Variants in GJA5 observed in about 807,000 individuals in gnomAD.
GJA5 encodes the protein gap junction alpha-5 protein.
Under a neutral mutation model 7.9 loss-of-function variants are expected in GJA5, and 3 were observed. The ratio of observed to expected loss-of-function variants is 0.38; its 90% confidence interval spans 0.17 to 0.99. The LOEUF (loss-of-function observed/expected upper bound fraction) is 0.99, where lower values mean the gene tolerates loss of function less well. GJA5 is among the 50% of genes least tolerant of loss of function. The pLI is 0.38. For missense variants in GJA5, 390 were observed against 457.9 expected (o/e 0.85, Z 1.35); for synonymous variants, 193 against 181.0 (o/e 1.07, Z -0.53).
At chr1:147,765,802 A>C (rs1191400232) in intron 1 of GJA5, among the ~76,000 whole-genome samples, 1 of 152,062 alleles carries the variant, frequency 6.6e-6, no homozygotes, top group Non-Finnish European at 1.5e-5. Flanking sequence ...TGGGGATGTA[A>C]AGGACTGCAC....
intron 1 of GJA5, among the ~76,000 whole-genome samples, chr1:147,765,968 C>G (rs1553228127): frequency 6.6e-6 from 1 of 152,164 alleles, no homozygotes; most frequent in African/African-American, 2.4e-5. Flanking sequence ...TGAGGCCCTA[C>G]CATAGGGATG....
intron 1 of GJA5, among the ~76,000 whole-genome samples, chr1:147,771,172 C>A (rs791290): frequency 0.018 from 2,720 of 152,260 alleles, 59 homozygotes; most frequent in African/African-American, 0.059. Context: ...AGAGACCAGG[C>A]GGCACTGTGG....
At position 147,758,962 on chromosome 1, in the gene GJA5, T is replaced by A; in HGVS notation, c.277A>T (p.Met93Leu). 1 of 1,614,190 alleles carries A rather than the reference T, an allele frequency of 6.2e-7. No homozygotes were observed. Among genetic ancestry groups the A allele is most frequent in the Admixed American group, 1.7e-5 (1 of 60,026 alleles). The change falls in exon 2 of 2, where the codon ATG (methionine) becomes TTG (leucine). Residue 93 changes from methionine (M) to leucine (L), a missense_variant. This residue lies in a region of GJA5 where 354 missense variants were observed against 370.9 expected (regional missense o/e 0.95). Coordinates refer to ENST00000579774, the MANE Select transcript of GJA5 (RefSeq NM_181703.4). ...CGCACAGTGTGCATGGCGTGGCCCA[T>A]GTACACCAGAGAGGGCGTGGAGACG... ...IFVSTPSLVY[M>L]GHAMHTVRMQ...
intron 1 of GJA5, among the ~76,000 whole-genome samples, chr1:147,768,314 G>A (rs1217425836): frequency 6.6e-6 from 1 of 152,216 alleles, no homozygotes; most frequent in Non-Finnish European, 1.5e-5. Context: ...CTGGCAGACA[G>A]TTGTTTCAAA....
rs1431645208 is a variant in GJA5 at position 147,757,886 on chromosome 1, C to G, written c.*276G>C. The G allele has an allele frequency of 1.5e-5, 7 of 480,778 alleles. No individual in the cohort carries two copies. Among genetic ancestry groups the G allele is most frequent in the Non-Finnish European group, 2.7e-5 (7 of 263,988 alleles). 29.8% of individuals were successfully genotyped at this position (480,778 alleles called of 1,614,324 possible). On this transcript the variant is annotated 3_prime_UTR_variant, in exon 2 of 2. Coordinates refer to ENST00000579774, the MANE Select transcript of GJA5 (RefSeq NM_181703.4). Reference sequence around the variant, plus strand: ...GGCCAGCTTTTGCCATGCTTCCCTTCTTTCCCTCTACCCTGTTTCATGAGT... The same window carrying G: ...GGCCAGCTTTTGCCATGCTTCCCTTGTTTCCCTCTACCCTGTTTCATGAGT...
upstream of GJA5, among the ~76,000 whole-genome samples, chr1:147,762,807 A>C (rs12409131): frequency 2.0e-5 from 3 of 152,354 alleles, no homozygotes; most frequent in Admixed American, 2.0e-4. Flanking sequence ...TCAGCCAAAG[A>C]AATTTGTAGA....
chr1:147,762,932 A>C (rs1664074967), upstream of GJA5, among the ~76,000 whole-genome samples: 2 of 152,244 alleles, frequency 1.3e-5, no homozygotes, highest in Non-Finnish European at 2.9e-5. Context: ...CCATGCCATG[A>C]ATAAATGCTA....
At chr1:147,767,535 G>C (rs1664249052) in intron 1 of GJA5, among the ~76,000 whole-genome samples, 1 of 147,302 alleles carries the variant, frequency 6.8e-6, no homozygotes, top group Non-Finnish European at 1.5e-5. Flanking sequence ...CCACAGGCAT[G>C]CACCACCATA....
At chr1:147,763,841 G>T (rs957561130), upstream of GJA5, among the ~76,000 whole-genome samples, 1 of 151,834 alleles carries the variant, frequency 6.6e-6, no homozygotes, top group African/African-American at 2.4e-5. Context: ...ATGAAGTCTC[G>T]CTTTGTCACC....
chr1:147,766,862 T>C (rs1553228269), intron 1 of GJA5, among the ~76,000 whole-genome samples: 1 of 152,064 alleles, frequency 6.6e-6, no homozygotes, highest in African/African-American at 2.4e-5. Context: ...CAGGGCAGAG[T>C]TCATTTGCTT....
In GJA5 at chr1:147,756,867, G is replaced by GC. The variant is rs781829227; in HGVS notation, c.*1294dup. The GC allele has an allele frequency of 6.6e-6, 1 of 152,164 alleles. No individual in the cohort carries two copies. The allele number at this position is 152,164 out of a possible 1,614,324, so 9.4% of individuals were successfully genotyped here. ...CTGGGGAAGGCAAGGCTTTTCTACA[G>GC]CCCCCACTTGGCAGTCTCATTAGGG... On this transcript the variant is annotated 3_prime_UTR_variant, in exon 2 of 2. Transcript: ENST00000579774.
chr1:147,758,958 C>T lies in GJA5; in HGVS notation c.281G>A (p.Gly94Asp). The change falls in exon 2 of 2, where the codon GGC (glycine) becomes GAC (aspartate). Residue 94 changes from glycine (G) to aspartate (D), a missense_variant. By Grantham distance (94) the Gly-to-Asp change is moderately conservative. Around this residue, in one of 2 missense-constraint regions of GJA5, gnomAD observed 354 missense variants for 370.9 expected, o/e 0.95. Transcript: ENST00000579774. ...FVSTPSLVYM[G>D]HAMHTVRMQE... ...CATGCGCACAGTGTGCATGGCGTGGCCCATGTACACCAGAGAGGGCGTGGA... is the reference window on the plus strand; with the variant it reads ...CATGCGCACAGTGTGCATGGCGTGGTCCATGTACACCAGAGAGGGCGTGGA... 1 of 1,614,182 alleles carries T rather than the reference C, an allele frequency of 6.2e-7. No homozygotes were observed. Among genetic ancestry groups the T allele is most frequent in the Non-Finnish European group, 8.5e-7 (1 of 1,180,002 alleles).
At position 147,758,640 on chromosome 1, in the gene GJA5, C is replaced by T; in HGVS notation, c.599G>A (p.Arg200Gln). 6.2e-7 allele frequency: 1 copy of T among 1,614,032 alleles called. No individual in the cohort carries two copies. The highest frequency in any genetic ancestry group is 8.5e-7 in the Non-Finnish European group (1 of 1,179,970). ...CPHPVNCYVSRPTEKNVFIVF... is the reference protein window; with the variant it reads ...CPHPVNCYVSQPTEKNVFIVF... ...AATGAAGACATTCTTCTCTGTGGGC[C>T]GGGATACGTAACAGTTGACCGGGTG... is the stretch of plus-strand genomic sequence containing the variant. The change falls in exon 2 of 2, where the codon CGG becomes CAG. Residue 200 changes from arginine (R) to glutamine (Q), a missense_variant. This residue lies in a region of GJA5 where 354 missense variants were observed against 370.9 expected (regional missense o/e 0.95). Transcript: ENST00000579774.
intron 1 of GJA5, among the ~76,000 whole-genome samples, chr1:147,770,893 C>T (rs1386043777): frequency 6.6e-6 from 1 of 152,212 alleles, no homozygotes; most frequent in Non-Finnish European, 1.5e-5. Flanking sequence ...AAGTCAGCTT[C>T]CTTTCCAGGA....
chr1:147,764,963 G>T (rs1312481624), upstream of GJA5, among the ~76,000 whole-genome samples: 5 of 151,816 alleles, frequency 3.3e-5, no homozygotes, highest in Non-Finnish European at 7.4e-5. Flanking sequence ...ATTGCATTAG[G>T]TTCTCTCATT....
At chr1:147,760,057 A>T (rs1181106262) in intron 1 of GJA5, among the ~76,000 whole-genome samples, 4 of 152,140 alleles carry the variant, frequency 2.6e-5, no homozygotes, top group Admixed American at 2.6e-4. Flanking sequence ...ACAGTATCAC[A>T]GATGAGTGCT....
At chr1:147,768,063 C>T (rs1664272708) in intron 1 of GJA5, among the ~76,000 whole-genome samples, 2 of 152,152 alleles carry the variant, frequency 1.3e-5, no homozygotes, top group Admixed American at 1.3e-4. Flanking sequence ...CTGAGCTGGG[C>T]AGTGTGGGCA....
intron 1 of GJA5, among the ~76,000 whole-genome samples, chr1:147,772,203 C>T (rs1199706619): frequency 2.0e-5 from 3 of 152,156 alleles, no homozygotes; most frequent in Non-Finnish European, 4.4e-5. Flanking sequence ...GCACCAGAGC[C>T]TTTTTCCAGA....
At chr1:147,772,040 A>G (rs1340319059) in intron 1 of GJA5, among the ~76,000 whole-genome samples, 9 of 152,122 alleles carry the variant, frequency 5.9e-5, no homozygotes, top group African/African-American at 2.2e-4. Flanking sequence ...CCCAGCCATG[A>G]GCCACAGCAC....
Sources: gnomAD v4.1 joint callset for allele counts (sites outside exome capture counted in the v4.1 genomes callset) on GRCh38, gnomAD v4.1.1 for gene constraint, gnomAD v4.1.1 regional missense constraint, MANE v1.5 for transcripts, NCBI Gene and HGNC (gene_info 2026-07-23, HGNC 2026-07-21) for gene names.